Variants in SECISBP2L observed in about 807,000 individuals in gnomAD.
SECISBP2L encodes the protein selenocysteine insertion sequence-binding protein 2-like.
Under a neutral mutation model 114.7 loss-of-function variants are expected in SECISBP2L, and 43 were observed. That is an observed-to-expected ratio of 0.38 (90% CI 0.29 to 0.48). SECISBP2L has a LOEUF of 0.48. Among genes scored for constraint, SECISBP2L ranks in the 20% least tolerant of loss-of-function variants. SECISBP2L has a pLI of 0.98. For missense variants in SECISBP2L, 1,136 were observed against 1,301.1 expected (o/e 0.87, Z 1.95); for synonymous variants, 451 against 439.7 (o/e 1.03, Z -0.32).
chr15:49,037,729 T>A lies in SECISBP2L; in HGVS notation c.65A>T (p.Gln22Leu). Residue 22 changes from glutamine (Q) to leucine (L), a missense_variant, in exon 2 of 18, where the codon CAG becomes CTG. This residue lies in a region of SECISBP2L where 452 missense variants were observed against 452.3 expected (regional missense o/e 1.00). Coordinates refer to ENST00000559471, the MANE Select transcript of SECISBP2L (RefSeq NM_001193489.2). Reference sequence around the variant, plus strand: ...CATAAATGTATCAGGACTCTTCTTCTGGGGAATAAATGGCTCCACCTCAGC... The same window carrying A: ...CATAAATGTATCAGGACTCTTCTTCAGGGGAATAAATGGCTCCACCTCAGC... Reference protein sequence around the residue: ...LSAEVEPFIPQKKSPDTFMIP... With the variant: ...LSAEVEPFIPLKKSPDTFMIP... The A allele has an allele frequency of 1.2e-6, 2 of 1,610,972 alleles. No homozygotes were observed. Among genetic ancestry groups the A allele is most frequent in the Non-Finnish European group, 8.5e-7 (1 of 1,177,748 alleles).
chr15:49,033,275 G>A (rs1243125205), intron 3 of SECISBP2L, among the ~76,000 whole-genome samples, 175 bp from the exon 4 acceptor site: 3 of 152,128 alleles, frequency 2.0e-5, no homozygotes, highest in Non-Finnish European at 4.4e-5. Context: ...CTGCAGCAAA[G>A]CATACGAGGC....
At chr15:49,028,046 T>A in intron 6 of SECISBP2L, 98 bp downstream of exon 6, 2 of 1,087,348 alleles carry the variant, frequency 1.8e-6, no homozygotes, top group Non-Finnish European at 2.7e-6. Context: ...GACTTCTAAG[T>A]TTTTTTTGCA....
In SECISBP2L at chr15:49,012,832, G is replaced by A; in HGVS notation, c.1562-15C>T. 1 of 1,597,988 alleles carries A rather than the reference G, an allele frequency of 6.3e-7. No individual in the cohort carries two copies. The highest frequency in any genetic ancestry group is 8.5e-7 in the Non-Finnish European group (1 of 1,175,592). On this transcript the variant is annotated splice_polypyrimidine_tract_variant and intron_variant, in intron 11 of 17. Coordinates refer to ENST00000559471, the MANE Select transcript of SECISBP2L (RefSeq NM_001193489.2). Reference sequence around the variant, plus strand: ...TGCAGTAACCACTAAAAACAAAGAGGAACATTAGTTTCACCATTAGGGCCA... The same window carrying A: ...TGCAGTAACCACTAAAAACAAAGAGAAACATTAGTTTCACCATTAGGGCCA...
chr15:49,016,270 G>A (rs926934670), intron 11 of SECISBP2L, among the ~76,000 whole-genome samples: 17 of 152,094 alleles, frequency 1.1e-4, no homozygotes, highest in African/African-American at 3.1e-4. Flanking sequence ...AATAATGGGG[G>A]CTACTGTGGT....
intron 1 of SECISBP2L, among the ~76,000 whole-genome samples, chr15:49,040,785 G>A (rs1250432102): frequency 5.3e-5 from 8 of 151,236 alleles, no homozygotes; most frequent in South Asian, 2.1e-4. Context: ...TGATCCGCCC[G>A]CCTCGGCCTC....
chr15:49,028,900 G>A (rs532896901), intron 4 of SECISBP2L, among the ~76,000 whole-genome samples: 3 of 152,114 alleles, frequency 2.0e-5, no homozygotes, highest in South Asian at 2.1e-4. Flanking sequence ...AGTCTGTTTC[G>A]CAGGCTGGAG....
At chr15:49,005,223 A>G (rs1257463023) in intron 14 of SECISBP2L, among the ~76,000 whole-genome samples, 1 of 152,146 alleles carries the variant, frequency 6.6e-6, no homozygotes, top group African/African-American at 2.4e-5. Flanking sequence ...CCACCTACTC[A>G]GGAGGCTGAA....
At chr15:49,021,449 T>G (rs1489876499) in intron 7 of SECISBP2L, among the ~76,000 whole-genome samples, 1 of 152,216 alleles carries the variant, frequency 6.6e-6, no homozygotes, top group Non-Finnish European at 1.5e-5. Flanking sequence ...CAAATGCAGC[T>G]AACAGTAAAT....
Position 48,988,716 on chromosome 15 carries a change from C to A in SECISBP2L, c.*3528G>T, listed in dbSNP as rs1901909712. ...ATAGTGCAAAAAAGCTGTTATTACC[C>A]CCCAAATGTGATATAACAATTATCC... On this transcript the variant is annotated 3_prime_UTR_variant, in exon 18 of 18. Coordinates refer to ENST00000559471, the MANE Select transcript of SECISBP2L (RefSeq NM_001193489.2). 2.4e-6 allele frequency: 1 copy of A among 408,474 alleles called. No homozygotes were observed. The highest frequency in any genetic ancestry group is 4.9e-6 in the Non-Finnish European group (1 of 202,136). The allele number at this position is 408,474 out of a possible 1,614,324, so 25.3% of individuals were successfully genotyped here. A position where few individuals can be genotyped will look rare whatever the true frequency, so the allele number is the denominator to read the frequency against.
rs550703570 is a variant in SECISBP2L, at chr15:49,009,446, A to G, written c.1865-68T>C. 2.0e-4 allele frequency: 298 copies of G among 1,482,838 alleles called. 1 individual carries two copies. The highest frequency in any genetic ancestry group is 2.5e-4 in the Non-Finnish European group (271 of 1,095,800). The allele number at this position is 1,482,838 out of a possible 1,614,324, so 91.9% of individuals were successfully genotyped here. A position where few individuals can be genotyped will look rare whatever the true frequency, so the allele number is the denominator to read the frequency against. ...AATGCTGAAAAGTTCTACGTTGATC[A>G]ATGCAATTTAGAATGGCCATTGTCT... On this transcript the variant is annotated intron_variant, in intron 13 of 17. Transcript: ENST00000559471.
chr15:48,998,641 T>G (rs1902144250), intron 16 of SECISBP2L, among the ~76,000 whole-genome samples: 1 of 152,104 alleles, frequency 6.6e-6, no homozygotes, highest in South Asian at 2.1e-4. Flanking sequence ...GCCTTGAATG[T>G]GAGGGTAAAG....
At chr15:49,001,373 C>T (rs537599227) in intron 14 of SECISBP2L, among the ~76,000 whole-genome samples, 1 of 151,916 alleles carries the variant, frequency 6.6e-6, no homozygotes, top group East Asian at 1.9e-4. Flanking sequence ...TCACTTTATC[C>T]CCATCACCTA....
intron 1 of SECISBP2L, among the ~76,000 whole-genome samples, chr15:49,040,251 T>C (rs1903096064): frequency 6.6e-6 from 1 of 152,184 alleles, no homozygotes; most frequent in Non-Finnish European, 1.5e-5. Flanking sequence ...GCAATTCTAG[T>C]TATCAGAGTT....
Position 48,988,758 on chromosome 15 carries a change from T to C in SECISBP2L, c.*3486A>G. The C allele has an allele frequency of 3.3e-6, 1 of 300,304 alleles. No homozygotes were observed. Among genetic ancestry groups the C allele is most frequent in the Non-Finnish European group, 6.7e-6 (1 of 149,288 alleles). 18.6% of individuals were successfully genotyped at this position (300,304 alleles called of 1,614,324 possible). ...CAATTATCCTTCATACAGCAAAAGA[T>C]GAAAATCCCTTCATGTTATAACTCA... On this transcript the variant is annotated 3_prime_UTR_variant, in exon 18 of 18. Coordinates refer to ENST00000559471, the MANE Select transcript of SECISBP2L (RefSeq NM_001193489.2).
intron 2 of SECISBP2L, among the ~76,000 whole-genome samples, chr15:49,035,963 T>TA (rs1297211484): frequency 6.6e-6 from 1 of 152,224 alleles, no homozygotes; most frequent in African/African-American, 2.4e-5. Flanking sequence ...GCCTAAAAGT[T>TA]AAACACCTAG....
chr15:48,992,096 A>T lies in SECISBP2L; in HGVS notation c.*148T>A. On this transcript the variant is annotated 3_prime_UTR_variant, in exon 18 of 18. Transcript: ENST00000559471. ...ATACTAATTAAAAGCTAAGCTACAGATCATAACAAGTAAAAGCTACAAAAA... is the reference window on the plus strand; with the variant it reads ...ATACTAATTAAAAGCTAAGCTACAGTTCATAACAAGTAAAAGCTACAAAAA... 5.6e-6 allele frequency: 4 copies of T among 708,310 alleles called. No homozygotes were observed. In the South Asian group the frequency reaches 7.4e-5, roughly 13 times the overall value. The allele number at this position is 708,310 out of a possible 1,614,324, so 43.9% of individuals were successfully genotyped here.
intron 13 of SECISBP2L, among the ~76,000 whole-genome samples, chr15:49,011,175 C>T (rs917021615): frequency 6.6e-6 from 1 of 152,116 alleles, no homozygotes; most frequent in African/African-American, 2.4e-5. Flanking sequence ...AAAAATCTTT[C>T]TTTTATGGTG....
intron 12 of SECISBP2L, 115 bp downstream of exon 12, chr15:49,012,533 T>G (rs1247683785): frequency 2.0e-6 from 2 of 1,018,558 alleles, no homozygotes; most frequent in Admixed American, 2.3e-5. Context: ...GATTCATGTG[T>G]ATGAATACTT....
At position 49,046,199 on chromosome 15, in the gene SECISBP2L, C is replaced by T. The variant is rs979821547; in HGVS notation, c.24+77G>A. The T allele has an allele frequency of 5.9e-6, 9 of 1,514,436 alleles. No individual in the cohort carries two copies. In the Admixed American group the frequency reaches 1.4e-4, roughly 23 times the overall value. 93.8% of individuals were successfully genotyped at this position (1,514,436 alleles called of 1,614,324 possible). A position where few individuals can be genotyped will look rare whatever the true frequency, so the allele number is the denominator to read the frequency against. Reference sequence around the variant, plus strand: ...AGGACCGGCCCCCGGTCCCCACGTTCGGAGAACTGGGCCTGGCCTGTGAGG... The same window carrying T: ...AGGACCGGCCCCCGGTCCCCACGTTTGGAGAACTGGGCCTGGCCTGTGAGG... On this transcript the variant is annotated intron_variant, in intron 1 of 17. Coordinates refer to ENST00000559471, the MANE Select transcript of SECISBP2L (RefSeq NM_001193489.2).
Sources: allele counts gnomAD v4.1 joint callset (sites outside exome capture counted in the v4.1 genomes callset), GRCh38; gene constraint gnomAD v4.1.1; regional missense constraint gnomAD v4.1.1; transcripts MANE v1.5; gene names NCBI Gene and HGNC (gene_info 2026-07-23, HGNC 2026-07-21).